Variants in IGSF9B observed in about 807,000 individuals in gnomAD.
IGSF9B encodes protein turtle homolog B.
A neutral mutation model predicts 143.7 loss-of-function variants in IGSF9B; 48 were observed. That is an observed-to-expected ratio of 0.33 (90% CI 0.26 to 0.42). The LOEUF is 0.42. IGSF9B is among the 20% of genes least tolerant of loss of function. The pLI, the probability that IGSF9B is intolerant of heterozygous loss-of-function variation, is 1.00. For synonymous variants in IGSF9B, 903 were observed against 833.1 expected (o/e 1.08, Z -1.44); for missense variants, 1,706 against 1,980.0 (o/e 0.86, Z 2.63).
chr11:133,922,317 G>C, intron 16 of IGSF9B, 95 bp from the exon 17 acceptor site: 8 of 1,145,168 alleles, frequency 7.0e-6, no homozygotes, highest in Non-Finnish European at 1.0e-5. Flanking sequence ...GAGCACCACC[G>C]CACAGGGAAG....
intron 1 of IGSF9B, among the ~76,000 whole-genome samples, chr11:133,955,806 T>C (rs1051706434): frequency 7.2e-5 from 11 of 151,826 alleles, no homozygotes; most frequent in Non-Finnish European, 1.3e-4. Flanking sequence ...GCTCCCCCCT[T>C]GCGTCTCCCC....
chr11:133,926,450 T>C (rs1939628194), intron 13 of IGSF9B, among the ~76,000 whole-genome samples: 1 of 152,164 alleles, frequency 6.6e-6, no homozygotes, highest in East Asian at 1.9e-4. Context: ...ACAGTGGCCC[T>C]TTCTCTGGCT....
chr11:133,952,015 C>T (rs1478393142), intron 1 of IGSF9B: 9 of 454,968 alleles, frequency 2.0e-5, no homozygotes, highest in Admixed American at 1.4e-4. Context: ...AGGCAAGGGG[C>T]CACAGAGGAC....
At position 133,920,241 on chromosome 11, in the gene IGSF9B, T is replaced by C. The variant is rs376689431; in HGVS notation, c.3484A>G (p.Ser1162Gly). 7.1e-5 allele frequency: 108 copies of C among 1,516,704 alleles called. No homozygotes were observed. The highest frequency in any genetic ancestry group is 8.8e-5 in the Non-Finnish European group (100 of 1,132,318). 94.0% of individuals were successfully genotyped at this position (1,516,704 alleles called of 1,614,324 possible). Residue 1162 changes from serine (S) to glycine (G), a missense_variant, in exon 18 of 20, where the codon AGC becomes GGC. This residue lies in a region of IGSF9B where 880 missense variants were observed against 762.9 expected (regional missense o/e 1.15). Coordinates refer to ENST00000533871, the MANE Select transcript of IGSF9B (RefSeq NM_001277285.4). ...CACCGGGTGTCCAGGCCAAATGTGCTGGGGCCGCCGTGCGCCCCCGGCTCA... is the reference window on the plus strand; with the variant it reads ...CACCGGGTGTCCAGGCCAAATGTGCCGGGGCCGCCGTGCGCCCCCGGCTCA... ...PAEPGAHGGPSTFGLDTRWYE... is the reference protein window; with the variant it reads ...PAEPGAHGGPGTFGLDTRWYE...
chr11:133,923,711 G>A (rs1939580036), intron 15 of IGSF9B, among the ~76,000 whole-genome samples: 1 of 152,260 alleles, frequency 6.6e-6, no homozygotes, highest in Non-Finnish European at 1.5e-5. Flanking sequence ...TGGAAATGGG[G>A]GACCTAATAC....
intron 5 of IGSF9B, among the ~76,000 whole-genome samples, chr11:133,937,153 G>C (rs1939839593): frequency 6.6e-6 from 1 of 152,176 alleles, no homozygotes; most frequent in South Asian, 2.1e-4. Context: ...ACGCCATGTG[G>C]TGCCTGGCCA....
At position 133,907,375 on chromosome 11, in the gene IGSF9B, G is replaced by A. The variant is rs541205347; in HGVS notation, c.*1694C>T. The stretch of plus-strand genomic sequence containing the variant: ...AGCCCATGGCAGCTGCATGAGACCA[G>A]CAGAAGCCATCCAATGCTGCCGTGG... On this transcript the variant is annotated 3_prime_UTR_variant, in exon 20 of 20. Transcript: ENST00000533871. Among the ~76,000 whole-genome samples, 10 of 152,370 alleles carry A rather than the reference G, an allele frequency of 6.6e-5. 1 individual carries two copies. The South Asian group carries it at 2.1e-3, about 32-fold the overall frequency.
chr11:133,927,324 C>A (rs1459489954), intron 12 of IGSF9B, among the ~76,000 whole-genome samples: 1 of 152,236 alleles, frequency 6.6e-6, no homozygotes, highest in Non-Finnish European at 1.5e-5. Flanking sequence ...ACCAAAGGGG[C>A]CTTTAGGTGC....
Position 133,908,273 on chromosome 11 carries a change from A to ACC in IGSF9B, c.*794_*795dup, listed in dbSNP as rs1939241582. 6.6e-6 allele frequency among the ~76,000 whole-genome samples: 1 copy of ACC among 152,162 alleles called. No homozygotes were observed. The highest frequency in any genetic ancestry group is 2.4e-5 in the African/African-American group (1 of 41,454). ...CTAGGAGCCTGGCCACCCCTTCTTC[A>ACC]CCCAGGAACCAAGAAACAAAGGCTT... On this transcript the variant is annotated 3_prime_UTR_variant, in exon 20 of 20. Coordinates refer to ENST00000533871, the MANE Select transcript of IGSF9B (RefSeq NM_001277285.4).
In IGSF9B at chr11:133,931,088, C is replaced by T. The variant is rs937884307; in HGVS notation, c.1415G>A (p.Ser472Asn). Residue 472 changes from serine to asparagine, a missense_variant, in exon 11 of 20, where the codon AGC becomes AAC. By Grantham distance (46) the Ser-to-Asn change is conservative (BLOSUM62 1). Transcript: ENST00000533871. This position sits in a 1 kb window ranked among gnomAD's most constrained non-coding sequence, Gnocchi z 7.7. ...RSKHSALPSG[S>N]LQFRALSKED... ...CTTACTCAGGGCACGGAACTGCAGG[C>T]TCCCACTGGGCAGGGCACTGTGCTT... The T allele has an allele frequency of 5.0e-6, 8 of 1,613,698 alleles. No individual in the cohort carries two copies. In the African/African-American group the frequency reaches 1.1e-4, roughly 22 times the overall value.
chr11:133,944,066 G>C (rs779003502), intron 3 of IGSF9B, among the ~76,000 whole-genome samples, 154 bp downstream of exon 3: 1 of 152,226 alleles, frequency 6.6e-6, no homozygotes, highest in Non-Finnish European at 1.5e-5. Flanking sequence ...CTGCAGGAGT[G>C]AGCTGATGTC....
intron 11 of IGSF9B, 75 bp from the exon 12 acceptor site, chr11:133,929,857 G>C: frequency 1.0e-6 from 1 of 966,474 alleles, no homozygotes; most frequent in Non-Finnish European, 1.6e-6. Flanking sequence ...TCTGGCTGTG[G>C]GGAACCTGAG....
rs1940104248 is a variant in IGSF9B at position 133,948,720 on chromosome 11, G to A, written c.65-2462C>T. On this transcript the variant is annotated intron_variant, in intron 1 of 19. Coordinates refer to ENST00000533871, the MANE Select transcript of IGSF9B (RefSeq NM_001277285.4). This position sits in a 1 kb window ranked among gnomAD's most constrained non-coding sequence, Gnocchi z 4.7. ...ACTACAAGAGCCTAGGGGAAGAGGA[G>A]GGAGTTATTCCCAGGTGCCAGGTTA... Among the ~76,000 whole-genome samples, 1 of 152,044 alleles carries A rather than the reference G, an allele frequency of 6.6e-6. No homozygotes were observed. The highest frequency in any genetic ancestry group is 1.5e-5 in the Non-Finnish European group (1 of 68,022).
intron 1 of IGSF9B, among the ~76,000 whole-genome samples, chr11:133,949,778 G>A (rs1239203362): frequency 6.6e-6 from 1 of 152,100 alleles, no homozygotes; most frequent in Admixed American, 6.5e-5. Context: ...GGGGAGGGTG[G>A]AGTGTGCTGA....
intron 19 of IGSF9B, among the ~76,000 whole-genome samples, chr11:133,911,465 A>G (rs923891768): frequency 1.3e-5 from 2 of 152,200 alleles, no homozygotes; most frequent in African/African-American, 4.8e-5. Flanking sequence ...AAGGAGATAG[A>G]GTTATGTGCA....
chr11:133,937,426 G>A lies in IGSF9B; in HGVS notation c.629C>T (p.Ala210Val), dbSNP rs1181741080. ...REDRGAYTCR[A>V]YSIQGEAVHT... ...GACAGCCTCCCCCTGAATGCTGTAC[G>A]CTCGGCAGGTGTAGGCACCTCTGTC... is the stretch of plus-strand genomic sequence containing the variant. The change falls in exon 5 of 20, where the codon GCG (alanine) becomes GTG (valine). Residue 210 changes from alanine to valine, a missense_variant. By Grantham distance (64) the Ala-to-Val change is moderately conservative (BLOSUM62 0). Around this residue, in one of 7 missense-constraint regions of IGSF9B, gnomAD observed 238 missense variants for 452.6 expected, o/e 0.53. Coordinates refer to ENST00000533871, the MANE Select transcript of IGSF9B (RefSeq NM_001277285.4). 8 of 1,613,646 alleles carry A rather than the reference G, an allele frequency of 5.0e-6. No individual in the cohort carries two copies. The highest frequency in any genetic ancestry group is 1.3e-5 in the African/African-American group (1 of 74,914).
rs568172045 is a variant in IGSF9B at position 133,926,834 on chromosome 11, G to A, written c.1807+82C>T. On this transcript the variant is annotated intron_variant, in intron 13 of 19. Transcript: ENST00000533871. ...CTCAGCAAGGTACCGGCACACAGGA[G>A]GCCGACTGCTATAGCTGCCTGGGCC... 91 of 1,201,698 alleles carry A rather than the reference G, an allele frequency of 7.6e-5. No individual in the cohort carries two copies. In the African/African-American group the frequency reaches 1.2e-3, roughly 16 times the overall value. The allele number at this position is 1,201,698 out of a possible 1,614,324, so 74.4% of individuals were successfully genotyped here. A position where few individuals can be genotyped will look rare whatever the true frequency, so the allele number is the denominator to read the frequency against.
At chr11:133,941,290 A>G (rs550853317) in intron 3 of IGSF9B, among the ~76,000 whole-genome samples, 9 of 152,306 alleles carry the variant, frequency 5.9e-5, no homozygotes, top group African/African-American at 2.2e-4. Flanking sequence ...CACCAACCTA[A>G]AGGAAGGCTT....
At position 133,944,230 on chromosome 11, in the gene IGSF9B, G is replaced by A; in HGVS notation, c.399C>T (p.Leu133=). The A allele has an allele frequency of 6.2e-7, 1 of 1,605,794 alleles. No homozygotes were observed. The highest frequency in any genetic ancestry group is 8.5e-7 in the Non-Finnish European group (1 of 1,175,214). ...GAAGCCGTCACTCACCGTTGATGGT[G>A]AGGTGGACCCAGCTGCCATTGTGGA... ...DTFHNGSWVH[L]TINAPPTFTE... Residue 133 remains leucine (L), a synonymous_variant, in exon 3 of 20, where the codon CTC becomes CTT. Transcript: ENST00000533871.
Sources: allele counts gnomAD v4.1 joint callset (sites outside exome capture counted in the v4.1 genomes callset), GRCh38; gene constraint gnomAD v4.1.1; regional missense constraint gnomAD v4.1.1; non-coding constraint Gnocchi (gnomAD v3.1); transcripts MANE v1.5; gene names NCBI Gene and HGNC (gene_info 2026-07-23, HGNC 2026-07-21).